The following TMCO5A variants were observed in gnomAD, a reference collection of about 807,000 sequenced individuals.
TMCO5A encodes transmembrane and coiled-coil domains 5A, also known as transmembrane and coiled-coil domain-containing protein 5A.
In TMCO5A, 34 loss-of-function variants were observed where a neutral mutation model predicts 42.3. The observed-to-expected ratio is 0.80, with a 90% confidence interval of 0.61 to 1.07. The LOEUF (loss-of-function observed/expected upper bound fraction) is 1.07. Among genes scored for constraint, TMCO5A ranks in the 50% least tolerant of loss-of-function variants. The pLI is 0.00. For missense variants in TMCO5A, 357 were observed against 327.9 expected (o/e 1.09, Z -0.69); for synonymous variants, 131 against 115.6 (o/e 1.13, Z -0.86).
downstream of TMCO5A, among the ~76,000 whole-genome samples, chr15:37,969,167 T>C (rs907452893): frequency 6.6e-6 from 1 of 152,198 alleles, no homozygotes; most frequent in African/African-American, 2.4e-5. Context: ...TGAATTATGC[T>C]AGACTTGGAA....
chr15:37,938,120 A>G (rs1339429018), intron 5 of TMCO5A, 38 bp from the exon 6 acceptor site: 1 of 1,519,098 alleles, frequency 6.6e-7, no homozygotes, highest in South Asian at 1.2e-5. Context: ...TGCCTTCTAC[A>G]CCTTTTAATT....
At chr15:37,960,756 T>G (rs78345855) in intron 11 of TMCO5A, among the ~76,000 whole-genome samples, 2 of 152,196 alleles carry the variant, frequency 1.3e-5, no homozygotes, top group Non-Finnish European at 2.9e-5. Flanking sequence ...CATTGTGGTT[T>G]TGATTTGCAT....
the TMCO5A span, among the ~76,000 whole-genome samples, chr15:38,004,992 G>A: frequency 6.6e-6 from 1 of 152,052 alleles, no homozygotes; most frequent in Admixed American, 6.6e-5. Context: ...GTCACTATTA[G>A]ACAGAATTCT....
the TMCO5A span, among the ~76,000 whole-genome samples, chr15:37,978,379 AAC>A: frequency 1.3e-5 from 2 of 152,318 alleles, no homozygotes; most frequent in East Asian, 3.9e-4. Context: ...GTCCTAGGGA[AAC>A]ACAGAGCTAC....
rs953458389 is a variant in TMCO5A at position 37,936,794 on chromosome 15, A to C, written c.141-53A>C. 2.5e-6 allele frequency: 4 copies of C among 1,603,394 alleles called. No individual in the cohort carries two copies. The African/African-American group carries it at 4.0e-5, about 16-fold the overall frequency. On this transcript the variant is annotated intron_variant, in intron 3 of 11. Coordinates refer to ENST00000319669, the MANE Select transcript of TMCO5A (RefSeq NM_152453.4). Reference sequence around the variant, plus strand: ...TTATATCTGAAATCTGTGTTTTATCAGTTCTGAAACTGCCAAGCATGGGTC... The same window carrying C: ...TTATATCTGAAATCTGTGTTTTATCCGTTCTGAAACTGCCAAGCATGGGTC...
the TMCO5A span, among the ~76,000 whole-genome samples, chr15:37,999,694 T>C: frequency 6.6e-6 from 1 of 152,220 alleles, no homozygotes; most frequent in Admixed American, 6.5e-5. Flanking sequence ...TGTATTGAGG[T>C]ATTTTCTTCC....
rs899712753 is a variant in TMCO5A, at chr15:37,940,695, A to G, written c.388-454A>G. Among the ~76,000 whole-genome samples the G allele has an allele frequency of 1.3e-4, 20 of 152,216 alleles. No individual in the cohort carries two copies. The South Asian group carries it at 2.1e-3, about 16-fold the overall frequency. On this transcript the variant is annotated intron_variant, in intron 6 of 11. Coordinates refer to ENST00000319669, the MANE Select transcript of TMCO5A (RefSeq NM_152453.4). ...AGTACTACCCCCTGCCACCTGATAC[A>G]CACATGCTTCACTCCAGCATAGCAG...
the TMCO5A span, among the ~76,000 whole-genome samples, chr15:38,030,320 A>T: frequency 6.6e-6 from 1 of 152,214 alleles, no homozygotes; most frequent in Non-Finnish European, 1.5e-5. Flanking sequence ...AGATTAAGCC[A>T]TGATCCTAGG....
chr15:37,995,231 T>TA, the TMCO5A span, among the ~76,000 whole-genome samples: 1,719 of 149,862 alleles, frequency 0.011, 33 homozygotes, highest in African/African-American at 0.039. Flanking sequence ...ACTACAGAGG[T>TA]AAAAAAAAAA....
chr15:38,019,945 G>A, the TMCO5A span, among the ~76,000 whole-genome samples: 1 of 151,328 alleles, frequency 6.6e-6, no homozygotes, highest in Non-Finnish European at 1.5e-5. Context: ...AATGTATAAT[G>A]ACATGTACAG....
the TMCO5A span, among the ~76,000 whole-genome samples, chr15:38,014,455 C>T: frequency 5.6e-4 from 85 of 152,166 alleles, 1 homozygote; most frequent in African/African-American, 1.9e-3. Context: ...CTTCTAATTT[C>T]TTCAAAAATA....
chr15:37,986,715 A>C, the TMCO5A span, among the ~76,000 whole-genome samples: 2 of 151,966 alleles, frequency 1.3e-5, no homozygotes, highest in African/African-American at 4.8e-5. Context: ...TGGTCTTTTC[A>C]TGACTGGTTT....
chr15:37,947,809 T>TAC (rs902684415), intron 11 of TMCO5A, 113 bp downstream of exon 11: 60 of 618,306 alleles, frequency 9.7e-5, no homozygotes, highest in South Asian at 3.6e-4. Flanking sequence ...TGTGCACACA[T>TAC]ACACACACAC....
intron 5 of TMCO5A, 22 bp from the exon 6 acceptor site, chr15:37,938,136 T>G: frequency 6.5e-7 from 1 of 1,549,642 alleles, no homozygotes; most frequent in Non-Finnish European, 8.8e-7. Flanking sequence ...TAATTTAGTA[T>G]ATTTTTTATT....
chr15:37,966,639 T>C (rs1890563795), exon 12 of TMCO5A: 4 of 702,816 alleles, frequency 5.7e-6, no homozygotes, highest in Admixed American at 2.0e-5. Flanking sequence ...GCCTCCTCCT[T>C]TTAGTGGCAA....
At chr15:38,026,323 T>C in the TMCO5A span, among the ~76,000 whole-genome samples, 8 of 152,150 alleles carry the variant, frequency 5.3e-5, no homozygotes, top group Non-Finnish European at 1.0e-4. Flanking sequence ...TTTTGGGGAC[T>C]GGATGCAAAG....
the TMCO5A span, among the ~76,000 whole-genome samples, chr15:38,008,088 G>C: frequency 6.6e-6 from 1 of 151,380 alleles, no homozygotes; most frequent in East Asian, 2.0e-4. Flanking sequence ...GTAGAGATGG[G>C]GTTTCACCAT....
intron 11 of TMCO5A, among the ~76,000 whole-genome samples, chr15:37,962,996 T>A (rs932213947): frequency 1.3e-5 from 2 of 152,144 alleles, no homozygotes; most frequent in African/African-American, 4.8e-5. Context: ...AACCAGCTTT[T>A]TGTTTCATTT....
At chr15:37,942,366 G>A (rs763992357) in intron 9 of TMCO5A, 111 bp downstream of exon 9, 15 of 980,142 alleles carry the variant, frequency 1.5e-5, no homozygotes, top group Admixed American at 4.2e-5. Flanking sequence ...GAGTCCCGAC[G>A]CCACATATCT....
Sources: allele counts gnomAD v4.1 joint callset (sites outside exome capture counted in the v4.1 genomes callset), GRCh38; gene constraint gnomAD v4.1.1; transcripts MANE v1.5; gene names NCBI Gene and HGNC (gene_info 2026-07-23, HGNC 2026-07-21).